Variants in HS6ST3 observed in about 807,000 individuals in gnomAD.
HS6ST3 encodes heparan-sulfate 6-O-sulfotransferase 3.
Under a neutral mutation model 36.7 loss-of-function variants are expected in HS6ST3, and 12 were observed. The ratio of observed to expected loss-of-function variants is 0.33; its 90% confidence interval spans 0.21 to 0.53. HS6ST3 has a LOEUF of 0.53. Among genes scored for constraint, HS6ST3 ranks in the 20% least tolerant of loss-of-function variants. The probability of loss-of-function intolerance (pLI) is 0.95; values close to 1 mark genes in which losing one functional copy is unlikely to be tolerated. For missense variants in HS6ST3, 584 were observed against 640.9 expected (o/e 0.91, Z 0.96); for synonymous variants, 240 against 257.5 (o/e 0.93, Z 0.65).
intron 1 of HS6ST3, among the ~76,000 whole-genome samples, chr13:96,300,051 T>C (rs1221735408): frequency 7.7e-6 from 1 of 129,910 alleles, no homozygotes; most frequent in African/African-American, 2.9e-5. Context: ...GCTACACTTT[T>C]TTTTTTTTTT....
intron 1 of HS6ST3, among the ~76,000 whole-genome samples, chr13:96,319,248 T>C (rs1193224947): frequency 6.6e-6 from 1 of 152,222 alleles, no homozygotes; most frequent in Non-Finnish European, 1.5e-5. Flanking sequence ...AACTTATCTT[T>C]AACTTATCAC....
intron 1 of HS6ST3, among the ~76,000 whole-genome samples, chr13:96,369,076 G>A (rs931123673): frequency 6.6e-6 from 1 of 151,014 alleles, no homozygotes; most frequent in Non-Finnish European, 1.5e-5. Context: ...TGTTGTGGGG[G>A]TGGGGAGGGT....
chr13:96,741,371 C>G (rs887866667), intron 1 of HS6ST3, among the ~76,000 whole-genome samples: 2 of 152,148 alleles, frequency 1.3e-5, no homozygotes, highest in African/African-American at 4.8e-5. Context: ...ATATAAAGAT[C>G]AAATGTAATC....
chr13:96,580,193 CATATATATATATATATAT>C (rs3051282), intron 1 of HS6ST3, among the ~76,000 whole-genome samples: 1 of 140,528 alleles, frequency 7.1e-6, no homozygotes, highest in African/African-American at 2.6e-5. Context: ...CCCATCCAGA[CATATATATATATATATAT>C]ATATATATAT....
intron 1 of HS6ST3, among the ~76,000 whole-genome samples, chr13:96,370,715 C>A (rs2055285462): frequency 6.6e-6 from 1 of 152,220 alleles, no homozygotes; most frequent in South Asian, 2.1e-4. Context: ...AGTTCGAGAC[C>A]AGCCTGGCCA....
At chr13:96,673,001 T>G (rs1473950774) in intron 1 of HS6ST3, among the ~76,000 whole-genome samples, 1 of 152,096 alleles carries the variant, frequency 6.6e-6, no homozygotes, top group Non-Finnish European at 1.5e-5. Context: ...TTAGCAACAT[T>G]GGGCTGAAAT....
chr13:96,835,849 C>G lies in HS6ST3; in HGVS notation c.*2651C>G, dbSNP rs530034008. On this transcript the variant is annotated 3_prime_UTR_variant, in exon 2 of 2. Transcript: ENST00000376705. ...TGCTGAAGGCATGATGTATGCGGCT[C>G]CACTTGAGACCAGGTATCAGGATGT... The G allele has an allele frequency of 6.6e-6, 1 of 152,274 alleles. No homozygotes were observed. The highest frequency in any genetic ancestry group is 1.9e-4 in the East Asian group (1 of 5,168). The allele number at this position is 152,274 out of a possible 1,614,324, so 9.4% of individuals were successfully genotyped here.
chr13:96,263,319 C>T (rs901953760), intron 1 of HS6ST3, among the ~76,000 whole-genome samples: 39 of 152,312 alleles, frequency 2.6e-4, no homozygotes, highest in African/African-American at 9.1e-4. Flanking sequence ...AAGTTCTACT[C>T]TTGATCCCTT....
At chr13:96,768,120 C>T (rs7324785) in intron 1 of HS6ST3, among the ~76,000 whole-genome samples, 16,627 of 152,120 alleles carry the variant, frequency 0.11, 3,005 homozygotes, top group African/African-American at 0.38. Flanking sequence ...AAGCTCTTTT[C>T]AAGGGCCTGA....
At chr13:96,536,200 A>G (rs1053484168) in intron 1 of HS6ST3, among the ~76,000 whole-genome samples, 4 of 152,332 alleles carry the variant, frequency 2.6e-5, no homozygotes, top group African/African-American at 4.8e-5. Flanking sequence ...CGAAGTTGTT[A>G]TAAAAATTGT....
At chr13:96,300,109 T>C (rs1439779182) in intron 1 of HS6ST3, among the ~76,000 whole-genome samples, 1 of 132,850 alleles carries the variant, frequency 7.5e-6, no homozygotes, top group Non-Finnish European at 1.5e-5. Flanking sequence ...CAGGATGGAG[T>C]GCAGTGGTGT....
At chr13:96,186,400 T>C (rs1370777757) in intron 1 of HS6ST3, among the ~76,000 whole-genome samples, 6 of 152,200 alleles carry the variant, frequency 3.9e-5, no homozygotes, top group Non-Finnish European at 2.9e-5. Flanking sequence ...AATCTTTCTT[T>C]AATCTGCCAC....
intron 1 of HS6ST3, among the ~76,000 whole-genome samples, chr13:96,141,703 G>A (rs547008837): frequency 6.6e-6 from 1 of 152,084 alleles, no homozygotes; most frequent in African/African-American, 2.4e-5. Flanking sequence ...AACACTGAAG[G>A]TTCCAAAGTG....
intron 1 of HS6ST3, among the ~76,000 whole-genome samples, chr13:96,704,023 T>A (rs1489427200): frequency 6.6e-6 from 1 of 152,222 alleles, no homozygotes; most frequent in African/African-American, 2.4e-5. Context: ...TGTAGAACTG[T>A]GAGTCAATTA....
chr13:96,830,700 T>C (rs1344514044), intron 1 of HS6ST3, among the ~76,000 whole-genome samples: 1 of 152,210 alleles, frequency 6.6e-6, no homozygotes, highest in African/African-American at 2.4e-5. Context: ...CCAGCCTTGG[T>C]TCCTGGGCTC....
intron 1 of HS6ST3, among the ~76,000 whole-genome samples, chr13:96,548,598 G>T (rs1189775655): frequency 6.6e-6 from 1 of 152,124 alleles, no homozygotes; most frequent in East Asian, 1.9e-4. Flanking sequence ...CTATGTATCT[G>T]TCTACCTATG....
At chr13:96,612,241 C>T (rs746881072) in intron 1 of HS6ST3, among the ~76,000 whole-genome samples, 26 of 152,070 alleles carry the variant, frequency 1.7e-4, no homozygotes, top group Non-Finnish European at 2.8e-4. Flanking sequence ...CTGAGAGTAG[C>T]AGTTGACTCT....
At chr13:96,718,124 G>C (rs1355724891) in intron 1 of HS6ST3, among the ~76,000 whole-genome samples, 1 of 152,098 alleles carries the variant, frequency 6.6e-6, no homozygotes, top group East Asian at 1.9e-4. Context: ...GTCTGGGTCA[G>C]CATCCCACCT....
chr13:96,119,171 A>G (rs2053913282), intron 1 of HS6ST3, among the ~76,000 whole-genome samples: 1 of 152,148 alleles, frequency 6.6e-6, no homozygotes, highest in Admixed American at 6.5e-5. Flanking sequence ...ATTACAGCAT[A>G]TAGGATAAAT....
Sources: allele counts gnomAD v4.1 joint callset (sites outside exome capture counted in the v4.1 genomes callset), GRCh38; gene constraint gnomAD v4.1.1; transcripts MANE v1.5; gene names NCBI Gene and HGNC (gene_info 2026-07-23, HGNC 2026-07-21).